SLC35D4: variants seen among roughly 807,000 people sequenced by gnomAD.
SLC35D4 encodes UDP-N-acetylglucosamine transporter SLC35D4.
chr18:23,376,924 G>C, the SLC35D4 span: 4 of 456,704 alleles, frequency 8.8e-6, no homozygotes, highest in African/African-American at 2.0e-5. Flanking sequence ...GTTTTGTCTT[G>C]TTCTTTCAAG....
At chr18:23,322,222 G>C in the SLC35D4 span, among the ~76,000 whole-genome samples, 2 of 152,168 alleles carry the variant, frequency 1.3e-5, no homozygotes, top group African/African-American at 4.8e-5. Context: ...CCATCTCCAC[G>C]TGTTGTGGTT....
At chr18:23,305,322 A>G in the SLC35D4 span, among the ~76,000 whole-genome samples, 1 of 152,184 alleles carries the variant, frequency 6.6e-6, no homozygotes, top group Non-Finnish European at 1.5e-5. Flanking sequence ...ATTTTCCCTT[A>G]TAACTCCCTC....
the SLC35D4 span, among the ~76,000 whole-genome samples, chr18:23,367,158 C>T: frequency 6.6e-6 from 1 of 152,100 alleles, no homozygotes; most frequent in African/African-American, 2.4e-5. Flanking sequence ...TCAGAATCGC[C>T]CCAAAGGGTA....
At chr18:23,372,240 ATTTG>A in the SLC35D4 span, among the ~76,000 whole-genome samples, 44 of 152,014 alleles carry the variant, frequency 2.9e-4, no homozygotes, top group African/African-American at 1.0e-3. Flanking sequence ...CCAGCCCCTT[ATTTG>A]TTTATGTGTC....
the SLC35D4 span, among the ~76,000 whole-genome samples, chr18:23,277,275 A>G: frequency 6.6e-6 from 1 of 151,888 alleles, no homozygotes; most frequent in Admixed American, 6.6e-5. Flanking sequence ...GTGGTAGTGA[A>G]TAAGTCTCAT....
At chr18:23,400,766 G>C in the SLC35D4 span, among the ~76,000 whole-genome samples, 2 of 152,136 alleles carry the variant, frequency 1.3e-5, no homozygotes. Flanking sequence ...TGATCTCCTG[G>C]AATGATGCCT....
chr18:23,269,589 G>T, the SLC35D4 span, among the ~76,000 whole-genome samples: 2 of 152,246 alleles, frequency 1.3e-5, no homozygotes, highest in Non-Finnish European at 2.9e-5. Context: ...AACAGGCAGA[G>T]ACTGGAACAG....
the SLC35D4 span, among the ~76,000 whole-genome samples, chr18:23,245,261 G>A: frequency 1.9e-4 from 29 of 152,096 alleles, no homozygotes; most frequent in Non-Finnish European, 7.4e-5. Flanking sequence ...TAACCCCAAC[G>A]CTTTGGGAGG....
chr18:23,378,944 G>A, the SLC35D4 span, among the ~76,000 whole-genome samples: 10 of 152,080 alleles, frequency 6.6e-5, no homozygotes, highest in Non-Finnish European at 1.3e-4. Context: ...TGCAACTTTA[G>A]ACTCTAATCT....
the SLC35D4 span, among the ~76,000 whole-genome samples, chr18:23,307,505 G>T: frequency 4.0e-4 from 61 of 152,192 alleles, no homozygotes; most frequent in African/African-American, 1.4e-3. Flanking sequence ...AAACCCACCC[G>T]ATCGCTTCAT....
the SLC35D4 span, among the ~76,000 whole-genome samples, chr18:23,253,528 A>G: frequency 1.4e-4 from 21 of 152,198 alleles, no homozygotes; most frequent in Admixed American, 5.9e-4. Context: ...GACCTGACCA[A>G]CAGAGAAGAG....
At chr18:23,329,936 G>T in the SLC35D4 span, among the ~76,000 whole-genome samples, 1 of 151,790 alleles carries the variant, frequency 6.6e-6, no homozygotes, top group African/African-American at 2.4e-5. Context: ...CCATCAATCT[G>T]AGCTATCACA....
the SLC35D4 span, among the ~76,000 whole-genome samples, chr18:23,407,507 T>A: frequency 6.6e-6 from 1 of 151,692 alleles, no homozygotes; most frequent in Non-Finnish European, 1.5e-5. Flanking sequence ...AGAAAAAAAA[T>A]CAGCTCTCCA....
At chr18:23,246,177 T>A in the SLC35D4 span, among the ~76,000 whole-genome samples, 1 of 151,188 alleles carries the variant, frequency 6.6e-6, no homozygotes, top group Non-Finnish European at 1.5e-5. Flanking sequence ...GGCAAAAGAA[T>A]CGCTTGAACC....
At chr18:23,404,007 G>A in the SLC35D4 span, among the ~76,000 whole-genome samples, 1 of 151,582 alleles carries the variant, frequency 6.6e-6, no homozygotes, top group East Asian at 2.0e-4. Context: ...AGTCCCAGCT[G>A]CTCGGGAGGC....
the SLC35D4 span, among the ~76,000 whole-genome samples, chr18:23,270,366 C>G: frequency 6.6e-6 from 1 of 152,246 alleles, no homozygotes; most frequent in Non-Finnish European, 1.5e-5. Context: ...GCCTGCATGT[C>G]TAGGCAAAAG....
chr18:23,248,845 G>A, the SLC35D4 span, among the ~76,000 whole-genome samples: 463 of 152,230 alleles, frequency 3.0e-3, no homozygotes, highest in African/African-American at 0.01. Context: ...GAAGAAGAAA[G>A]GTATCTAATA....
the SLC35D4 span, among the ~76,000 whole-genome samples, chr18:23,251,541 G>A: frequency 5.3e-5 from 8 of 152,228 alleles, no homozygotes; most frequent in African/African-American, 1.7e-4. Flanking sequence ...AGATGAACTG[G>A]AGGAAACCCA....
the SLC35D4 span, among the ~76,000 whole-genome samples, chr18:23,344,745 G>A: frequency 6.6e-6 from 1 of 151,896 alleles, no homozygotes; most frequent in Non-Finnish European, 1.5e-5. Flanking sequence ...GGGACTACAG[G>A]TGCCCGCCAC....
Sources: allele counts gnomAD v4.1 joint callset (sites outside exome capture counted in the v4.1 genomes callset), GRCh38; gene constraint gnomAD v4.1.1; transcripts MANE v1.5; gene names NCBI Gene and HGNC (gene_info 2026-07-23, HGNC 2026-07-21).